Variants in EVC observed in about 807,000 individuals in gnomAD.
The protein encoded by EVC is EvC ciliary complex subunit 1.
Under a neutral mutation model 118.9 loss-of-function variants are expected in EVC, and 116 were observed. The ratio of observed to expected loss-of-function variants is 0.98; its 90% CI spans 0.84 to 1.14. EVC has a LOEUF of 1.14. Ranked by LOEUF, EVC falls within the 50% of genes most tolerant of loss-of-function variation. The pLI is 0.00. For missense variants in EVC, 1,401 were observed against 1,246.4 expected (o/e 1.12, Z -1.87); for synonymous variants, 619 against 534.7 (o/e 1.16, Z -2.18).
chr4:5,729,519 G>T (rs373751797), intron 3 of EVC, 129 bp downstream of exon 3: 2 of 901,504 alleles, frequency 2.2e-6, no homozygotes, highest in Admixed American at 3.9e-5. Context: ...AGTCATTTTA[G>T]TAGGGATAGT....
chr4:5,759,820 GGACACAGCCTCAGGAGGGCGCGTCCTGAC>G (rs982316920), intron 11 of EVC, among the ~76,000 whole-genome samples: 3 of 152,208 alleles, frequency 2.0e-5, no homozygotes, highest in African/African-American at 4.8e-5. Context: ...CGCGAGCCTG[GGACACAGCCTCAGGAGGGCGCGTCCTGAC>G]GACACGCGCC....
intron 8 of EVC, among the ~76,000 whole-genome samples, chr4:5,751,545 T>C (rs1730369252): frequency 6.6e-6 from 1 of 152,238 alleles, no homozygotes; most frequent in Admixed American, 6.5e-5. Flanking sequence ...CGCTGGGGGA[T>C]GTTCTTGCCC....
chr4:5,785,979 G>A (rs1439556679), intron 12 of EVC, among the ~76,000 whole-genome samples: 2 of 152,160 alleles, frequency 1.3e-5, no homozygotes, highest in African/African-American at 4.8e-5. Context: ...CACTAAATGA[G>A]TGTAGGGGCC....
At chr4:5,722,906 T>C (rs1373171096) in intron 2 of EVC, among the ~76,000 whole-genome samples, 1 of 152,196 alleles carries the variant, frequency 6.6e-6, no homozygotes. Context: ...CTGACCTTAA[T>C]GAGGAGAGCT....
intron 5 of EVC, among the ~76,000 whole-genome samples, chr4:5,736,341 TGAA>T (rs1272776362): frequency 1.3e-5 from 2 of 151,682 alleles, no homozygotes; most frequent in Non-Finnish European, 2.9e-5. Context: ...GGGTGAAAAC[TGAA>T]GAAGGTCTGT....
chr4:5,748,617 C>T (rs1188663699), intron 8 of EVC, among the ~76,000 whole-genome samples: 1 of 99,544 alleles, frequency 1.0e-5, no homozygotes, highest in Admixed American at 9.3e-5. Context: ...TCCATCCACC[C>T]ACCCATCCAT....
At position 5,798,931 on chromosome 4, in the gene EVC, T is replaced by C; in HGVS notation, c.2304+139T>C. The stretch of plus-strand genomic sequence containing the variant: ...TTTGCCTGACTTCTCCATGACTTGA[T>C]TTTCTCATCTGTAAGGTGGGATCTT... On this transcript the variant is annotated intron_variant, in intron 15 of 20. Coordinates refer to ENST00000264956, the MANE Select transcript of EVC (RefSeq NM_153717.3). This position sits in a 1 kb window ranked among gnomAD's most constrained non-coding sequence, Gnocchi z 4.1. The C allele has an allele frequency of 1.1e-6, 1 of 935,444 alleles. No individual in the cohort carries two copies. Among genetic ancestry groups the C allele is most frequent in the Non-Finnish European group, 1.7e-6 (1 of 587,622 alleles). 57.9% of individuals were successfully genotyped at this position (935,444 alleles called of 1,614,324 possible). A position where few individuals can be genotyped will look rare whatever the true frequency, so the allele number is the denominator to read the frequency against.
rs13147466 is a variant in EVC, at chr4:5,811,878, A to G, written c.*841A>G. 3.7e-4 allele frequency: 41 copies of G among 111,704 alleles called. No homozygotes were observed. The highest frequency in any genetic ancestry group is 9.6e-4 in the South Asian group (3 of 3,130). The allele number at this position is 111,704 out of a possible 1,614,324, so 6.9% of individuals were successfully genotyped here. On this transcript the variant is annotated 3_prime_UTR_variant, in exon 21 of 21. Transcript: ENST00000264956. ...AGCCCCTCACACCACAGCCAAGAGAAGCCTTTCCAGCCTGGAGAGAAACTT... is the reference window on the plus strand; with the variant it reads ...AGCCCCTCACACCACAGCCAAGAGAGGCCTTTCCAGCCTGGAGAGAAACTT...
chr4:5,737,661 A>G lies in EVC; in HGVS notation c.703-4055A>G, dbSNP rs547941335. Reference sequence around the variant, plus strand: ...CTGTGCTCTATAAGTGGAACAACAAAGCCTGGATCACAACACAGCTGTTTA... The same window carrying G: ...CTGTGCTCTATAAGTGGAACAACAAGGCCTGGATCACAACACAGCTGTTTA... On this transcript the variant is annotated intron_variant, in intron 5 of 20. Coordinates refer to ENST00000264956, the MANE Select transcript of EVC (RefSeq NM_153717.3). The surrounding 1 kb of genome is among the most constrained non-coding windows in gnomAD (Gnocchi z 5.0). 9.8e-5 allele frequency among the ~76,000 whole-genome samples: 15 copies of G among 152,332 alleles called. No homozygotes were observed. In the East Asian group the frequency reaches 2.9e-3, roughly 29 times the overall value.
rs1728845234 is a variant in EVC at position 5,743,045 on chromosome 4, AT to A, written c.801+1234del. Among the ~76,000 whole-genome samples, 1 of 152,234 alleles carries A rather than the reference AT, an allele frequency of 6.6e-6. No homozygotes were observed. The highest frequency in any genetic ancestry group is 2.4e-5 in the African/African-American group (1 of 41,468). On this transcript the variant is annotated intron_variant, in intron 6 of 20. Coordinates refer to ENST00000264956, the MANE Select transcript of EVC (RefSeq NM_153717.3). This position sits in a 1 kb window ranked among gnomAD's most constrained non-coding sequence, Gnocchi z 4.7. ...TTCATTGCAAATTGAGGGACAGGTT[AT>A]TTAGAACTTTCTAAAAAGGGGACAG...
chr4:5,715,882 T>C (rs1026942454), intron 1 of EVC, among the ~76,000 whole-genome samples: 2 of 152,008 alleles, frequency 1.3e-5, no homozygotes, highest in African/African-American at 4.8e-5. Context: ...TAGCTGGGAC[T>C]ACAGGCATGC....
the EVC span, among the ~76,000 whole-genome samples, chr4:5,822,173 G>A: frequency 6.6e-6 from 1 of 152,240 alleles, no homozygotes; most frequent in Non-Finnish European, 1.5e-5. Flanking sequence ...CGCACATTTG[G>A]TGCTTTAACA....
intron 1 of EVC, among the ~76,000 whole-genome samples, chr4:5,718,537 G>A (rs1384450530): frequency 1.3e-5 from 2 of 151,792 alleles, no homozygotes; most frequent in African/African-American, 2.4e-5. Flanking sequence ...TGCTACTAGA[G>A]TATGAAAAGG....
chr4:5,822,905 A>G, the EVC span, among the ~76,000 whole-genome samples: 7 of 152,214 alleles, frequency 4.6e-5, no homozygotes, highest in Non-Finnish European at 1.0e-4. Flanking sequence ...CACACAGCAC[A>G]AGCACCATCC....
At position 5,812,810 on chromosome 4, in the gene EVC, A is replaced by T. The variant is rs971291916; in HGVS notation, c.*1773A>T. On this transcript the variant is annotated 3_prime_UTR_variant, in exon 21 of 21. Coordinates refer to ENST00000264956, the MANE Select transcript of EVC (RefSeq NM_153717.3). ...GCCAGCACTCCCACCATTCGTGGCA[A>T]CCAAGGATGTCTCCAGACACTGCCC... The T allele has an allele frequency of 6.5e-6, 1 of 153,096 alleles. No homozygotes were observed. Among genetic ancestry groups the T allele is most frequent in the Non-Finnish European group, 1.5e-5 (1 of 68,774 alleles). The allele number at this position is 153,096 out of a possible 1,614,324, so 9.5% of individuals were successfully genotyped here.
chr4:5,751,773 G>A (rs955493127), intron 8 of EVC, among the ~76,000 whole-genome samples: 2 of 149,136 alleles, frequency 1.3e-5, no homozygotes, highest in Non-Finnish European at 3.0e-5. Flanking sequence ...AGCAGGGAAG[G>A]ACCACAGAAC....
Position 5,743,740 on chromosome 4 carries a change from A to G in EVC, c.802-1464A>G, listed in dbSNP as rs958687481. On this transcript the variant is annotated intron_variant, in intron 6 of 20. Transcript: ENST00000264956. The surrounding 1 kb of genome is among the most constrained non-coding windows in gnomAD (Gnocchi z 4.7). ...CATCCTCAGTATCACCACCATGGTC[A>G]TGGTCCTCAGGCAGTGCACGTCGTG... Among the ~76,000 whole-genome samples the G allele has an allele frequency of 6.6e-6, 1 of 152,212 alleles. No individual in the cohort carries two copies. Among genetic ancestry groups the G allele is most frequent in the Non-Finnish European group, 1.5e-5 (1 of 68,028 alleles).
At chr4:5,825,385 T>A in the EVC span, 5,012 of 1,465,328 alleles carry the variant, frequency 3.4e-3, 153 homozygotes, top group African/African-American at 0.066. This position sits in a 1 kb window ranked among gnomAD's most constrained non-coding sequence, Gnocchi z 4.4. Context: ...CCTTCCCTGC[T>A]TCTTCATCTA....
intron 13 of EVC, among the ~76,000 whole-genome samples, chr4:5,794,291 TTATA>T (rs1713401030): frequency 9.4e-6 from 1 of 106,530 alleles, no homozygotes; most frequent in East Asian, 2.0e-4. Context: ...ATATATATTT[TTATA>T]TATTTATATT....
Sources: gnomAD v4.1 joint callset for allele counts (sites outside exome capture counted in the v4.1 genomes callset) on GRCh38, gnomAD v4.1.1 for gene constraint, Gnocchi (gnomAD v3.1) non-coding constraint, MANE v1.5 for transcripts, NCBI Gene and HGNC (gene_info 2026-07-23, HGNC 2026-07-21) for gene names.